The following HUS1 variants were observed in gnomAD, a reference collection of about 807,000 sequenced individuals.
HUS1 encodes the protein checkpoint protein HUS1.
A neutral mutation model predicts 32.6 loss-of-function variants in HUS1; 31 were observed. That is an observed-to-expected ratio of 0.95 (90% CI 0.72 to 1.28). HUS1 has a LOEUF of 1.28. HUS1 is among the 50% of genes most tolerant of loss of function. The pLI, the probability that HUS1 is intolerant of heterozygous loss-of-function variation, is 0.00. For missense variants in HUS1, 340 were observed against 337.7 expected (o/e 1.01, Z -0.05); for synonymous variants, 123 against 116.6 (o/e 1.06, Z -0.36).
chr7:47,969,024 C>T, intron 6 of HUS1, 195 bp downstream of exon 6: 1 of 524,470 alleles, frequency 1.9e-6, no homozygotes, highest in Admixed American at 3.9e-5. Context: ...GGTGGCACAG[C>T]TTCTCCCCCT....
chr7:47,970,526 CAG>C, intron 5 of HUS1, among the ~76,000 whole-genome samples: 1 of 151,836 alleles, frequency 6.6e-6, no homozygotes, highest in East Asian at 1.9e-4. Context: ...AAGGATCTGA[CAG>C]AAAATAATAA....
rs1788424151 is a variant in HUS1 at position 47,963,980 on chromosome 7, T to C, written c.*1376A>G. 6.6e-6 allele frequency: 1 copy of C among 152,138 alleles called. No homozygotes were observed. Among genetic ancestry groups the C allele is most frequent in the Non-Finnish European group, 1.5e-5 (1 of 68,012 alleles). 9.4% of individuals were successfully genotyped at this position (152,138 alleles called of 1,614,324 possible). ...GAATCATTCAAATACACTGGTTTTA[T>C]CAAAAAACATGAAAAAGCCAAAATA... On this transcript the variant is annotated 3_prime_UTR_variant, in exon 8 of 8. Transcript: ENST00000258774.
chr7:47,966,888 T>C (rs1788490267), intron 7 of HUS1, among the ~76,000 whole-genome samples: 3 of 152,226 alleles, frequency 2.0e-5, no homozygotes. Context: ...GCTGCTTCTC[T>C]GGCGATATCT....
chr7:47,967,933 G>A lies in HUS1; in HGVS notation c.641-8C>T. 1 of 1,608,834 alleles carries A rather than the reference G, an allele frequency of 6.2e-7. No homozygotes were observed. Among genetic ancestry groups the A allele is most frequent in the Non-Finnish European group, 8.5e-7 (1 of 1,177,900 alleles). On this transcript the variant is annotated splice_polypyrimidine_tract_variant and splice_region_variant and intron_variant, in intron 6 of 7. Coordinates refer to ENST00000258774, the MANE Select transcript of HUS1 (RefSeq NM_004507.4). ...CATGGGTGCTTTCAGAGGCTAAAAT[G>A]ATAGGAATGCATTTAAATACAACAT...
Position 47,976,769 on chromosome 7 carries a change from CA to C in HUS1, c.425del (p.Leu142CysfsTer22). The C allele has an allele frequency of 6.2e-7, 1 of 1,613,756 alleles. No individual in the cohort carries two copies. Among genetic ancestry groups the C allele is most frequent in the Non-Finnish European group, 8.5e-7 (1 of 1,179,750 alleles). On this transcript the variant is annotated frameshift_variant, in exon 4 of 8. Transcript: ENST00000258774. LOFTEE classifies it high-confidence loss of function. Reference sequence around the variant, plus strand: ...CCACCGGTTCTTGTAAGTCCTTCCACAATTTCCTAGGAATCACCTTTATGGG... The same window carrying C: ...CCACCGGTTCTTGTAAGTCCTTCCACATTTCCTAGGAATCACCTTTATGGG... The part of the protein sequence containing the change: ...DIPIKVIPRK[L>X]WKDLQEPVVP...
chr7:47,978,828 G>T lies in HUS1; in HGVS notation c.53-12C>A. On this transcript the variant is annotated splice_polypyrimidine_tract_variant and intron_variant, in intron 1 of 7. Coordinates refer to ENST00000258774, the MANE Select transcript of HUS1 (RefSeq NM_004507.4). ...CATGTTACTGATTCCTAAAGCAGGG[G>T]TTAAAATAAGGAATTACTAAAATGC... 1 of 1,612,160 alleles carries T rather than the reference G, an allele frequency of 6.2e-7. No individual in the cohort carries two copies. Among genetic ancestry groups the T allele is most frequent in the Non-Finnish European group, 8.5e-7 (1 of 1,179,338 alleles).
At position 47,965,297 on chromosome 7, in the gene HUS1, C is replaced by T. The variant is rs1788454376; in HGVS notation, c.*59G>A. 2 of 1,112,874 alleles carry T rather than the reference C, an allele frequency of 1.8e-6. No individual in the cohort carries two copies. The highest frequency in any genetic ancestry group is 1.7e-5 in the Admixed American group (1 of 59,220). 68.9% of individuals were successfully genotyped at this position (1,112,874 alleles called of 1,614,324 possible). A position where few individuals can be genotyped will look rare whatever the true frequency, so the allele number is the denominator to read the frequency against. ...GCACAGACCAGTGATCAGAACACAA[C>T]ACCTGCGGCCTCTCCCATCCTGACA... On this transcript the variant is annotated 3_prime_UTR_variant, in exon 8 of 8. Coordinates refer to ENST00000258774, the MANE Select transcript of HUS1 (RefSeq NM_004507.4).
At chr7:47,969,466 G>T in intron 5 of HUS1, 148 bp from the exon 6 acceptor site, 1 of 603,688 alleles carries the variant, frequency 1.7e-6, no homozygotes, top group Non-Finnish European at 2.9e-6. Context: ...CGTGCTATCA[G>T]GGAAAGTGAG....
rs1788754905 is a variant in HUS1 at position 47,978,477 on chromosome 7, C to T, written c.297G>A (p.Arg99=). 6.2e-7 allele frequency: 1 copy of T among 1,614,082 alleles called. No individual in the cohort carries two copies. Among genetic ancestry groups the T allele is most frequent in the African/African-American group, 1.3e-5 (1 of 74,922 alleles). ...TATTAGTCAGTTTGATTTTCAAAGCCCTGGCATTCTGGGCAGTCTTCAAGG... is the reference window on the plus strand; with the variant it reads ...TATTAGTCAGTTTGATTTTCAAAGCTCTGGCATTCTGGGCAGTCTTCAAGG... ...SRALKTAQNA[R]ALKIKLTNKH... The change falls in exon 3 of 8, where the codon AGG becomes AGA. Residue 99 remains arginine, a synonymous_variant. Coordinates refer to ENST00000258774, the MANE Select transcript of HUS1 (RefSeq NM_004507.4).
chr7:47,979,385 T>C (rs1349970134), intron 1 of HUS1, 83 bp downstream of exon 1: 5 of 1,543,852 alleles, frequency 3.2e-6, no homozygotes, highest in Non-Finnish European at 4.4e-6. Flanking sequence ...CCATCCCCGT[T>C]CTGATCCTCC....
In HUS1 at chr7:47,979,532, C is replaced by A. The variant is rs1190195711; in HGVS notation, c.-13G>T. ...CCCGAAACTTCATGGCCGCGGATGGCGCAGCCGCGGCGGGCCTCTGTGGGT... is the reference window on the plus strand; with the variant it reads ...CCCGAAACTTCATGGCCGCGGATGGAGCAGCCGCGGCGGGCCTCTGTGGGT... On this transcript the variant is annotated 5_prime_UTR_variant, in exon 1 of 8. Transcript: ENST00000258774. The A allele has an allele frequency of 6.3e-7, 1 of 1,599,328 alleles. No homozygotes were observed. Among genetic ancestry groups the A allele is most frequent in the Non-Finnish European group, 8.5e-7 (1 of 1,173,476 alleles).
rs1388923963 is a variant in HUS1, at chr7:47,963,666, T to G, written c.*1690A>C. Reference sequence around the variant, plus strand: ...TGGCTCACGCCTGTAATCCCAGCACTTTGAGAGGCCAAGGTGGGTGATCAC... The same window carrying G: ...TGGCTCACGCCTGTAATCCCAGCACGTTGAGAGGCCAAGGTGGGTGATCAC... On this transcript the variant is annotated 3_prime_UTR_variant, in exon 8 of 8. Transcript: ENST00000258774. The G allele has an allele frequency of 6.6e-6, 1 of 152,124 alleles. No homozygotes were observed. The highest frequency in any genetic ancestry group is 1.5e-5 in the Non-Finnish European group (1 of 68,024). The allele number at this position is 152,124 out of a possible 1,614,324, so 9.4% of individuals were successfully genotyped here. A position where few individuals can be genotyped will look rare whatever the true frequency, so the allele number is the denominator to read the frequency against.
At chr7:47,971,355 G>C (rs901425735) in intron 5 of HUS1, 2 of 376,954 alleles carry the variant, frequency 5.3e-6, no homozygotes, top group African/African-American at 4.2e-5. Flanking sequence ...ACACGCCCAG[G>C]CTACCAGACT....
intron 6 of HUS1, among the ~76,000 whole-genome samples, chr7:47,968,643 G>A (rs905184143): frequency 3.9e-5 from 6 of 152,168 alleles, no homozygotes; most frequent in African/African-American, 1.4e-4. Flanking sequence ...CCCTGCTACT[G>A]TGCAGCTGCC....
At chr7:47,972,579 A>G (rs1301187557) in intron 5 of HUS1, among the ~76,000 whole-genome samples, 3 of 152,372 alleles carry the variant, frequency 2.0e-5, no homozygotes, top group African/African-American at 7.2e-5. Flanking sequence ...TCTTTCAATG[A>G]TTTCCTTAAA....
intron 6 of HUS1, 49 bp downstream of exon 6, chr7:47,969,170 G>A (rs1009647033): frequency 1.2e-5 from 11 of 911,186 alleles, no homozygotes; most frequent in Non-Finnish European, 1.7e-5. Flanking sequence ...TAGGTTATCT[G>A]AAACAATTAA....
intron 4 of HUS1, 52 bp from the exon 5 acceptor site, chr7:47,975,739 T>C: frequency 9.5e-7 from 1 of 1,053,782 alleles, no homozygotes; most frequent in Non-Finnish European, 1.4e-6. Flanking sequence ...TAATATACTC[T>C]AGTAATGACA....
intron 4 of HUS1, chr7:47,976,400 C>G (rs575056587): frequency 1.5e-5 from 7 of 466,506 alleles, no homozygotes; most frequent in African/African-American, 1.4e-4. Flanking sequence ...CGCTCCTGAC[C>G]GGCTGAGGAA....
At chr7:47,970,325 T>C (rs2128765229) in intron 5 of HUS1, among the ~76,000 whole-genome samples, 1 of 149,282 alleles carries the variant, frequency 6.7e-6, no homozygotes, top group East Asian at 2.0e-4. Flanking sequence ...AGACATGAGA[T>C]GACCAGAGAG....
Sources: allele counts gnomAD v4.1 joint callset (sites outside exome capture counted in the v4.1 genomes callset), GRCh38; gene constraint gnomAD v4.1.1; transcripts MANE v1.5; gene names NCBI Gene and HGNC (gene_info 2026-07-23, HGNC 2026-07-21).